Variants in KCNT2 observed in about 807,000 individuals in gnomAD.
KCNT2 encodes the protein potassium sodium-activated channel subfamily T member 2, also known as potassium channel subfamily T member 2.
Under a neutral mutation model 153.8 loss-of-function variants are expected in KCNT2, and 67 were observed. The observed-to-expected ratio is 0.44, with a 90% CI of 0.36 to 0.53. KCNT2 has a LOEUF of 0.53. Among genes scored for constraint, KCNT2 ranks in the 20% least tolerant of loss-of-function variants. KCNT2 has a pLI of 0.00. For missense variants in KCNT2, 975 were observed against 1,354.8 expected (o/e 0.72, Z 4.40); for synonymous variants, 500 against 458.8 (o/e 1.09, Z -1.15).
chr1:196,564,028 G>A (rs781295637), intron 1 of KCNT2, among the ~76,000 whole-genome samples: 1 of 151,804 alleles, frequency 6.6e-6, no homozygotes, highest in Non-Finnish European at 1.5e-5. Flanking sequence ...GCAAGAAAAA[G>A]AATTAAAGTC....
At chr1:196,244,900 C>T (rs1350936097) in intron 26 of KCNT2, among the ~76,000 whole-genome samples, 3 of 152,114 alleles carry the variant, frequency 2.0e-5, no homozygotes, top group Non-Finnish European at 4.4e-5. Flanking sequence ...GGGCAAGGCC[C>T]CATAGTGTGT....
intron 5 of KCNT2, among the ~76,000 whole-genome samples, chr1:196,477,160 T>C (rs1678608988): frequency 6.6e-6 from 1 of 151,884 alleles, no homozygotes; most frequent in African/African-American, 2.4e-5. Flanking sequence ...TTTTTTAAGA[T>C]GGCAATAATG....
chr1:196,404,772 C>A (rs898017094), intron 12 of KCNT2, among the ~76,000 whole-genome samples: 1 of 151,624 alleles, frequency 6.6e-6, no homozygotes, highest in Non-Finnish European at 1.5e-5. Context: ...AGGGCCATGT[C>A]TACATTTTGC....
intron 1 of KCNT2, among the ~76,000 whole-genome samples, chr1:196,549,272 C>T (rs1657572964): frequency 6.6e-6 from 1 of 151,842 alleles, no homozygotes; most frequent in African/African-American, 2.4e-5. Flanking sequence ...TTTGTTTACA[C>T]ATGGACCCTA....
In KCNT2 at chr1:196,331,555, T is replaced by C. The variant is rs112398206; in HGVS notation, c.1998-294A>G. On this transcript the variant is annotated intron_variant, in intron 17 of 27. Transcript: ENST00000294725. ...TACGAAGTTCAAATTTCAGTATCTA[T>C]AAATAAAGCTTTATTATAATTCAGC... is the stretch of plus-strand genomic sequence containing the variant. Among the ~76,000 whole-genome samples the C allele has an allele frequency of 2.2e-4, 34 of 152,180 alleles. 1 individual carries two copies. The highest frequency in any genetic ancestry group is 8.2e-4 in the African/African-American group (34 of 41,572).
chr1:196,333,182 TA>T (rs1313466048), intron 17 of KCNT2, among the ~76,000 whole-genome samples: 1 of 151,888 alleles, frequency 6.6e-6, no homozygotes, highest in Non-Finnish European at 1.5e-5. Context: ...GCAATGTCCT[TA>T]GTACTCCACA....
intron 14 of KCNT2, among the ~76,000 whole-genome samples, chr1:196,371,037 C>G (rs1472159907): frequency 6.6e-6 from 1 of 151,608 alleles, no homozygotes; most frequent in Non-Finnish European, 1.5e-5. Context: ...AAAGCAAAAC[C>G]AAATTATTTA....
intron 1 of KCNT2, among the ~76,000 whole-genome samples, chr1:196,574,378 G>C (rs890836308): frequency 6.6e-6 from 1 of 151,556 alleles, no homozygotes; most frequent in Non-Finnish European, 1.5e-5. Context: ...TCCTACAAGA[G>C]AGTGAAAGAG....
chr1:196,364,072 C>G (rs1667843581), intron 14 of KCNT2, among the ~76,000 whole-genome samples: 1 of 151,642 alleles, frequency 6.6e-6, no homozygotes, highest in African/African-American at 2.4e-5. Flanking sequence ...AGTTGTGGAA[C>G]AGAAAATAGA....
At chr1:196,284,090 A>G (rs1571903167) in intron 23 of KCNT2, among the ~76,000 whole-genome samples, 1 of 149,256 alleles carries the variant, frequency 6.7e-6, no homozygotes, top group East Asian at 2.0e-4. Context: ...AATTAGCCAG[A>G]TGTAATGGTG....
At chr1:196,447,117 C>T (rs1453036476) in intron 8 of KCNT2, among the ~76,000 whole-genome samples, 1 of 151,366 alleles carries the variant, frequency 6.6e-6, no homozygotes, top group South Asian at 2.1e-4. Context: ...TTCTTTCCAT[C>T]TTCAATGAAA....
chr1:196,342,448 G>GTATATATATATATATATATATATGTA (rs72201546), intron 14 of KCNT2, among the ~76,000 whole-genome samples: 1 of 100,266 alleles, frequency 1.0e-5, no homozygotes, highest in African/African-American at 4.1e-5. Flanking sequence ...ATATATATAT[G>GTATATATATATATATATATATATGTA]TATATATATA....
At chr1:196,515,456 A>T (rs1372336388) in intron 1 of KCNT2, among the ~76,000 whole-genome samples, 1 of 152,228 alleles carries the variant, frequency 6.6e-6, no homozygotes, top group African/African-American at 2.4e-5. Context: ...CTTTCATAAA[A>T]ATTAGCAAGC....
intron 1 of KCNT2, among the ~76,000 whole-genome samples, chr1:196,565,510 A>G (rs1660001781): frequency 6.6e-6 from 1 of 151,722 alleles, no homozygotes; most frequent in Non-Finnish European, 1.5e-5. Context: ...ATTATTCACA[A>G]TAGCCAAGAT....
intron 14 of KCNT2, among the ~76,000 whole-genome samples, chr1:196,355,241 A>G (rs1667079422): frequency 6.6e-6 from 1 of 151,692 alleles, no homozygotes; most frequent in African/African-American, 2.4e-5. Context: ...ACCTTGGTCT[A>G]CTAGGAAGAT....
chr1:196,550,759 C>G (rs1477287818), intron 1 of KCNT2, among the ~76,000 whole-genome samples: 1 of 151,720 alleles, frequency 6.6e-6, no homozygotes, highest in Non-Finnish European at 1.5e-5. Context: ...TCTGTTTCCA[C>G]CAGGCAGATG....
chr1:196,436,468 A>G (rs1329169365), intron 8 of KCNT2, among the ~76,000 whole-genome samples: 1 of 151,526 alleles, frequency 6.6e-6, no homozygotes, highest in Admixed American at 6.6e-5. Context: ...AACATACTGG[A>G]TTTGCCTTAT....
At chr1:196,328,138 A>G (rs959378857) in intron 18 of KCNT2, among the ~76,000 whole-genome samples, 1 of 152,204 alleles carries the variant, frequency 6.6e-6, no homozygotes, top group Non-Finnish European at 1.5e-5. Context: ...TTAAAGCCTG[A>G]GAAAAGAACA....
chr1:196,588,045 C>T (rs1473564854), intron 1 of KCNT2, among the ~76,000 whole-genome samples: 2 of 151,904 alleles, frequency 1.3e-5, no homozygotes, highest in Non-Finnish European at 2.9e-5. Context: ...TTTGAAAAAC[C>T]TTTTCTATCA....
Sources: gnomAD v4.1 joint callset for allele counts (sites outside exome capture counted in the v4.1 genomes callset) on GRCh38, gnomAD v4.1.1 for gene constraint, MANE v1.5 for transcripts, NCBI Gene and HGNC (gene_info 2026-07-23, HGNC 2026-07-21) for gene names.